HDAC9: variants seen among roughly 807,000 people sequenced by gnomAD.
The protein encoded by HDAC9 is histone deacetylase 9, also known as MEF-2 interacting transcription repressor (MITR) protein.
In HDAC9, 41 loss-of-function variants were observed where a neutral mutation model predicts 139.4. The ratio of observed to expected loss-of-function variants is 0.29; its 90% CI spans 0.23 to 0.38. The LOEUF is 0.38. Among genes scored for constraint, HDAC9 ranks in the 10% least tolerant of loss-of-function variants. HDAC9 has a pLI of 1.00. For synonymous variants in HDAC9, 517 were observed against 476.2 expected (o/e 1.09, Z -1.12); for missense variants, 1,147 against 1,297.0 (o/e 0.88, Z 1.78).
chr7:18,137,605 A>G (rs1469700239), intron 1 of HDAC9, among the ~76,000 whole-genome samples: 6 of 150,590 alleles, frequency 4.0e-5, no homozygotes, highest in African/African-American at 9.7e-5. Flanking sequence ...GCTGGATTAC[A>G]TTTATTGATT....
At chr7:18,283,923 G>A (rs1210753091) in intron 2 of HDAC9, among the ~76,000 whole-genome samples, 1 of 152,114 alleles carries the variant, frequency 6.6e-6, no homozygotes, top group Non-Finnish European at 1.5e-5. Context: ...TTTGTTTGTG[G>A]AGTATTCTCC....
chr7:18,636,638 C>T (rs777193700), intron 8 of HDAC9, among the ~76,000 whole-genome samples: 29 of 151,984 alleles, frequency 1.9e-4, no homozygotes, highest in Non-Finnish European at 4.0e-4. Flanking sequence ...CTTCAGGTCC[C>T]GCATCTATTT....
At chr7:18,558,306 T>G (rs1819511265) in intron 2 of HDAC9, among the ~76,000 whole-genome samples, 1 of 152,320 alleles carries the variant, frequency 6.6e-6, no homozygotes, top group African/African-American at 2.4e-5. Context: ...GTTATTGGTG[T>G]TTCTTTCATA....
intron 23 of HDAC9, chr7:18,948,945 C>T: frequency 2.8e-6 from 1 of 358,422 alleles, no homozygotes; most frequent in Non-Finnish European, 5.3e-6. Context: ...GCCTCTTGGT[C>T]AGTCATTAGG....
chr7:18,868,456 A>G (rs1207366355), intron 21 of HDAC9, among the ~76,000 whole-genome samples: 7 of 152,190 alleles, frequency 4.6e-5, no homozygotes, highest in Non-Finnish European at 1.0e-4. Context: ...AAGGTAATTA[A>G]GGCGTTGGGA....
chr7:18,822,350 G>GT (rs753080452), intron 17 of HDAC9, among the ~76,000 whole-genome samples: 27 of 142,102 alleles, frequency 1.9e-4, no homozygotes, highest in Middle Eastern at 3.5e-3. Context: ...TTGTTTGTTT[G>GT]TTGTTGTTGT....
intron 1 of HDAC9, among the ~76,000 whole-genome samples, chr7:18,373,792 G>A (rs933467729): frequency 6.6e-6 from 1 of 152,004 alleles, no homozygotes; most frequent in African/African-American, 2.4e-5. Context: ...GGAAAAAAAT[G>A]ATAATATATT....
intron 2 of HDAC9, among the ~76,000 whole-genome samples, chr7:18,573,834 A>T (rs1825094612): frequency 6.6e-6 from 1 of 152,146 alleles, no homozygotes; most frequent in Non-Finnish European, 1.5e-5. Context: ...CTGAACCCCA[A>T]AGAGAGTGTC....
intron 2 of HDAC9, among the ~76,000 whole-genome samples, chr7:18,219,350 T>C (rs906591022): frequency 3.9e-5 from 6 of 152,172 alleles, no homozygotes. Flanking sequence ...GTAATGAACC[T>C]GGAAGTGTTG....
chr7:18,472,345 T>A (rs1563022118), intron 1 of HDAC9, among the ~76,000 whole-genome samples: 1 of 152,188 alleles, frequency 6.6e-6, no homozygotes, highest in Admixed American at 6.5e-5. Context: ...TGGCCCAGCA[T>A]GGTCCTAAAT....
At chr7:18,123,566 G>A (rs182974479) in intron 1 of HDAC9, among the ~76,000 whole-genome samples, 4 of 152,228 alleles carry the variant, frequency 2.6e-5, no homozygotes, top group Non-Finnish European at 1.5e-5. Context: ...AGTTTAGCTT[G>A]GAATAGACTA....
At chr7:18,960,822 A>G (rs1260136341) in intron 24 of HDAC9, among the ~76,000 whole-genome samples, 3 of 152,116 alleles carry the variant, frequency 2.0e-5, no homozygotes, top group African/African-American at 7.2e-5. Context: ...GGGCATTTAC[A>G]TCAGATAATC....
chr7:18,885,116 C>G (rs972031004), intron 22 of HDAC9, among the ~76,000 whole-genome samples: 2 of 152,230 alleles, frequency 1.3e-5, no homozygotes, highest in African/African-American at 4.8e-5. Context: ...TCGAAACATT[C>G]TGCTTAAGTT....
At chr7:18,693,607 G>A (rs181607674) in intron 12 of HDAC9, among the ~76,000 whole-genome samples, 1 of 152,148 alleles carries the variant, frequency 6.6e-6, no homozygotes. Flanking sequence ...GTTGCTCATA[G>A]AGCAGGAAGG....
chr7:18,674,229 T>C (rs565102668), intron 12 of HDAC9, among the ~76,000 whole-genome samples: 1 of 152,196 alleles, frequency 6.6e-6, no homozygotes, highest in East Asian at 1.9e-4. Flanking sequence ...GGTGCTCTCA[T>C]TGCAATAGCC....
chr7:18,824,894 G>A (rs1795296093), intron 17 of HDAC9, among the ~76,000 whole-genome samples: 1 of 151,822 alleles, frequency 6.6e-6, no homozygotes, highest in South Asian at 2.1e-4. Context: ...AGATATAACT[G>A]CATACATTTG....
intron 22 of HDAC9, among the ~76,000 whole-genome samples, chr7:18,911,189 T>C (rs992035922): frequency 2.0e-5 from 3 of 151,462 alleles, no homozygotes; most frequent in Non-Finnish European, 4.4e-5. Context: ...AGGTTGTATG[T>C]ATCCAGAAAT....
At chr7:18,502,618 A>G (rs563342058) in intron 2 of HDAC9, 178 of 152,292 alleles carry the variant, frequency 1.2e-3, no homozygotes, top group African/African-American at 4.0e-3. Flanking sequence ...CATGAAGATA[A>G]TATATCTGTT....
Position 18,748,881 on chromosome 7 carries a change from T to A in HDAC9, c.1910-124T>A, listed in dbSNP as rs138933800. The A allele has an allele frequency of 1.7e-4, 158 of 933,074 alleles. No homozygotes were observed. The African/African-American group carries it at 2.4e-3, about 14-fold the overall frequency. 57.8% of individuals were successfully genotyped at this position (933,074 alleles called of 1,614,324 possible). A position where few individuals can be genotyped will look rare whatever the true frequency, so the allele number is the denominator to read the frequency against. On this transcript the variant is annotated intron_variant, in intron 13 of 25. Coordinates refer to ENST00000686413, the MANE Select transcript of HDAC9 (RefSeq NM_178425.4). ...CTCCTGAGAATTTGCTTTGTGATAT[T>A]TCCTCCTTTGTTAAATTTATTTTAA...
Sources: gnomAD v4.1 joint callset for allele counts (sites outside exome capture counted in the v4.1 genomes callset) on GRCh38, gnomAD v4.1.1 for gene constraint, MANE v1.5 for transcripts, NCBI Gene and HGNC (gene_info 2026-07-23, HGNC 2026-07-21) for gene names.